Variants in BACE2 observed in about 807,000 individuals in gnomAD.
BACE2 encodes 56 kDa aspartic-like protease.
In BACE2, 17 loss-of-function variants were observed where a neutral mutation model predicts 46.2. The observed-to-expected ratio is 0.37, with a 90% confidence interval of 0.25 to 0.55. The LOEUF is 0.55. Among genes scored for constraint, BACE2 ranks in the 20% least tolerant of loss-of-function variants. The probability of loss-of-function intolerance (pLI) is 0.82; values close to 1 mark genes in which losing one functional copy is unlikely to be tolerated. For synonymous variants in BACE2, 277 were observed against 295.9 expected (o/e 0.94, Z 0.66); for missense variants, 595 against 698.1 (o/e 0.85, Z 1.66).
rs1344534270 is a variant in BACE2, at chr21:41,242,000, T to C, written c.747+53T>C. ...GAAAAATCACAGATGGATGGGCTGT[T>C]TTTTTCTGTTTTATTAAACACCTGA... is the stretch of plus-strand genomic sequence containing the variant. On this transcript the variant is annotated intron_variant, in intron 4 of 8. Transcript: ENST00000330333. The C allele has an allele frequency of 1.9e-6, 3 of 1,574,072 alleles. No homozygotes were observed. In the African/African-American group the frequency reaches 4.5e-5, roughly 24 times the overall value.
chr21:41,226,856 G>A lies in BACE2; in HGVS notation c.401+502G>A, dbSNP rs1986834314. ...GGAAGCCATTTCTGTGGGTTGGTTT[G>A]CAACACTCATTTGGAAGAGTGAGTT... On this transcript the variant is annotated intron_variant, in intron 2 of 8. Coordinates refer to ENST00000330333, the MANE Select transcript of BACE2 (RefSeq NM_012105.5). Among the ~76,000 whole-genome samples the A allele has an allele frequency of 2.0e-5, 3 of 152,206 alleles. No homozygotes were observed. The South Asian group carries it at 6.2e-4, about 31-fold the overall frequency.
intron 1 of BACE2, among the ~76,000 whole-genome samples, chr21:41,200,722 T>C (rs750447): frequency 0.076 from 11,619 of 152,118 alleles, 1,468 homozygotes; most frequent in African/African-American, 0.26. Context: ...ATATAGGACA[T>C]GCAGAGAGAC....
At chr21:41,226,242 T>A in intron 1 of BACE2, 24 bp from the exon 2 acceptor site, 1 of 1,583,980 alleles carries the variant, frequency 6.3e-7, no homozygotes, top group Non-Finnish European at 8.6e-7. Flanking sequence ...TTTCTATTTT[T>A]TTTTTCTCCT....
chr21:41,196,944 T>C (rs1296706297), intron 1 of BACE2, among the ~76,000 whole-genome samples: 5 of 152,140 alleles, frequency 3.3e-5, no homozygotes, highest in African/African-American at 9.6e-5. Context: ...ATGGCATCAG[T>C]CTGGTTTGTC....
chr21:41,221,481 G>A (rs889792860), intron 1 of BACE2, among the ~76,000 whole-genome samples: 4 of 152,180 alleles, frequency 2.6e-5, no homozygotes, highest in African/African-American at 4.8e-5. Flanking sequence ...AGGGCAAAAC[G>A]AGTGTCTTTG....
chr21:41,226,745 C>T (rs1986830449), intron 2 of BACE2, among the ~76,000 whole-genome samples: 1 of 152,090 alleles, frequency 6.6e-6, no homozygotes, highest in African/African-American at 2.4e-5. Flanking sequence ...CCACTCTGGC[C>T]GAGGGTGTGG....
At chr21:41,270,106 C>T (rs1381781882) in intron 8 of BACE2, among the ~76,000 whole-genome samples, 3 of 152,148 alleles carry the variant, frequency 2.0e-5, no homozygotes, top group African/African-American at 7.2e-5. Flanking sequence ...AATATCTTTT[C>T]ATGTACTTTT....
In BACE2 at chr21:41,244,218, T is replaced by A. The variant is rs552682178; in HGVS notation, c.882+708T>A. ...AACCTGTTAGCACTTCTGTTCGTAT[T>A]ACCCATCACATCCCAACATCAATTC... On this transcript the variant is annotated intron_variant, in intron 5 of 8. Coordinates refer to ENST00000330333, the MANE Select transcript of BACE2 (RefSeq NM_012105.5). Among the ~76,000 whole-genome samples, 191 of 152,352 alleles carry A rather than the reference T, an allele frequency of 1.3e-3. 1 individual carries two copies. The highest frequency in any genetic ancestry group is 2.2e-3 in the Admixed American group (33 of 15,302).
chr21:41,239,299 A>G (rs1987224148), intron 3 of BACE2, among the ~76,000 whole-genome samples: 1 of 152,106 alleles, frequency 6.6e-6, no homozygotes, highest in African/African-American at 2.4e-5. Flanking sequence ...ACAAGATAAG[A>G]TGTGGGTCAC....
intron 4 of BACE2, among the ~76,000 whole-genome samples, chr21:41,243,116 G>T (rs995803796): frequency 6.6e-6 from 1 of 152,036 alleles, no homozygotes; most frequent in Non-Finnish European, 1.5e-5. Context: ...GTTTCACCAT[G>T]CTAGCCAGGC....
chr21:41,266,765 C>A (rs2088379256), intron 8 of BACE2, among the ~76,000 whole-genome samples: 2 of 152,336 alleles, frequency 1.3e-5, no homozygotes, highest in South Asian at 4.1e-4. Flanking sequence ...GTCGTGGGAA[C>A]CCCAGCCTTA....
chr21:41,168,272 A>G lies in BACE2; in HGVS notation c.9A>G (p.Ala3=). 1 of 1,202,524 alleles carries G rather than the reference A, an allele frequency of 8.3e-7. No individual in the cohort carries two copies. Among genetic ancestry groups the G allele is most frequent in the Non-Finnish European group, 1.0e-6 (1 of 971,106 alleles). The allele number at this position is 1,202,524 out of a possible 1,614,324, so 74.5% of individuals were successfully genotyped here. A position where few individuals can be genotyped will look rare whatever the true frequency, so the allele number is the denominator to read the frequency against. Residue 3 remains alanine (A), a synonymous_variant, in exon 1 of 9, where the codon GCA becomes GCG. Coordinates refer to ENST00000330333, the MANE Select transcript of BACE2 (RefSeq NM_012105.5). MG[A]LARALLLPLL... The stretch of plus-strand genomic sequence containing the variant: ...CGGGCCCCGCCGTGGGCATGGGCGC[A>G]CTGGCCCGGGCGCTGCTGCTGCCTC...
Position 41,222,974 on chromosome 21 carries a change from C to T in BACE2, c.313-3292C>T, listed in dbSNP as rs572772761. On this transcript the variant is annotated intron_variant, in intron 1 of 8. Coordinates refer to ENST00000330333, the MANE Select transcript of BACE2 (RefSeq NM_012105.5). ...GGGTGGGGGCAGCTGGAGCTCAATT[C>T]GGGACACGCCAGGCGTGAGATGATG... 4.6e-5 allele frequency among the ~76,000 whole-genome samples: 7 copies of T among 152,268 alleles called. No homozygotes were observed. In the East Asian group the frequency reaches 5.8e-4, roughly 13 times the overall value.
chr21:41,208,678 A>T (rs371176945), intron 1 of BACE2, among the ~76,000 whole-genome samples: 105 of 152,206 alleles, frequency 6.9e-4, no homozygotes, highest in African/African-American at 2.5e-3. Flanking sequence ...GGGTAAGGGT[A>T]TGAGGGCTCA....
At chr21:41,200,859 C>T (rs1230214845) in intron 1 of BACE2, among the ~76,000 whole-genome samples, 1 of 152,228 alleles carries the variant, frequency 6.6e-6, no homozygotes, top group Non-Finnish European at 1.5e-5. Context: ...GCCTCCACAA[C>T]CGTGAGAAGA....
intron 1 of BACE2, among the ~76,000 whole-genome samples, chr21:41,205,935 C>A (rs1986108846): frequency 6.6e-6 from 1 of 152,094 alleles, no homozygotes; most frequent in Non-Finnish European, 1.5e-5. Flanking sequence ...AAATGAATCT[C>A]CCCCAAAGAA....
At position 41,259,018 on chromosome 21, in the gene BACE2, G is replaced by T. The variant is rs147534583; in HGVS notation, c.1303+1692G>T. Among the ~76,000 whole-genome samples the T allele has an allele frequency of 1.1e-4, 16 of 152,230 alleles. No homozygotes were observed. In the East Asian group the frequency reaches 2.9e-3, roughly 28 times the overall value. On this transcript the variant is annotated intron_variant, in intron 8 of 8. Coordinates refer to ENST00000330333, the MANE Select transcript of BACE2 (RefSeq NM_012105.5). The stretch of plus-strand genomic sequence containing the variant: ...AGAATCTAAGAACTTAGGCAATTTT[G>T]TCCACAATTTCTGTTCTCTCATTAA...
At chr21:41,215,156 G>A (rs1439154767) in intron 1 of BACE2, among the ~76,000 whole-genome samples, 1 of 152,160 alleles carries the variant, frequency 6.6e-6, no homozygotes, top group African/African-American at 2.4e-5. Context: ...AGGTGGAGGA[G>A]AGAAAGAGAG....
chr21:41,229,140 G>A (rs183073203), intron 2 of BACE2, among the ~76,000 whole-genome samples: 12 of 152,200 alleles, frequency 7.9e-5, no homozygotes, highest in East Asian at 3.9e-4. Flanking sequence ...ATTGAGAACC[G>A]CTTATCTGAA....
Sources: allele counts gnomAD v4.1 joint callset (sites outside exome capture counted in the v4.1 genomes callset), GRCh38; gene constraint gnomAD v4.1.1; transcripts MANE v1.5; gene names NCBI Gene and HGNC (gene_info 2026-07-23, HGNC 2026-07-21).